RSPO3: variants seen among roughly 807,000 people sequenced by gnomAD.
The protein encoded by RSPO3 is R-spondin-3.
Under a neutral mutation model 36.5 loss-of-function variants are expected in RSPO3, and 17 were observed. The observed-to-expected ratio is 0.47, with a 90% CI of 0.32 to 0.70. The LOEUF (loss-of-function observed/expected upper bound fraction) is 0.70, where lower values mean the gene tolerates loss of function less well. RSPO3 is among the 30% of genes least tolerant of loss of function. RSPO3 has a pLI of 0.04. For missense variants in RSPO3, 294 were observed against 322.5 expected (o/e 0.91, Z 0.68); for synonymous variants, 108 against 107.0 (o/e 1.01, Z -0.06).
intron 4 of RSPO3, among the ~76,000 whole-genome samples, chr6:127,168,952 G>A (rs373810164): frequency 6.6e-6 from 1 of 152,060 alleles, no homozygotes; most frequent in East Asian, 1.9e-4. Context: ...TGTTCCATTG[G>A]TCTATATCTC....
intron 4 of RSPO3, among the ~76,000 whole-genome samples, chr6:127,176,447 A>AT (rs76109592): frequency 2.5e-4 from 38 of 150,900 alleles, no homozygotes; most frequent in Admixed American, 1.9e-3. Context: ...TTATTTATTT[A>AT]TTTTTTTTTA....
intron 1 of RSPO3, among the ~76,000 whole-genome samples, chr6:127,139,995 T>C (rs537971977): frequency 2.6e-5 from 4 of 152,170 alleles, no homozygotes; most frequent in Admixed American, 2.6e-4. Context: ...ACAGTTTCAA[T>C]AGCAGCATCA....
intron 2 of RSPO3, among the ~76,000 whole-genome samples, chr6:127,149,511 T>G (rs1774449159): frequency 6.6e-6 from 1 of 152,068 alleles, no homozygotes; most frequent in Non-Finnish European, 1.5e-5. Context: ...TGTCCACATC[T>G]TTGCATAGCT....
At chr6:127,119,557 C>T (rs1773795541) in intron 1 of RSPO3, among the ~76,000 whole-genome samples, 1 of 152,216 alleles carries the variant, frequency 6.6e-6, no homozygotes, top group Non-Finnish European at 1.5e-5. Context: ...TTCAGGTTCG[C>T]GGGAAAGTTC....
intron 4 of RSPO3, among the ~76,000 whole-genome samples, chr6:127,185,490 T>C (rs1353152477): frequency 2.0e-5 from 3 of 152,090 alleles, no homozygotes; most frequent in African/African-American, 7.2e-5. Context: ...AGTGAAACCA[T>C]TTAAGAACGT....
chr6:127,119,118 A>T lies in RSPO3; in HGVS notation c.-75A>T. 2 of 1,192,090 alleles carry T rather than the reference A, an allele frequency of 1.7e-6. No individual in the cohort carries two copies. Among genetic ancestry groups the T allele is most frequent in the East Asian group, 2.4e-5 (1 of 41,948 alleles). 73.8% of individuals were successfully genotyped at this position (1,192,090 alleles called of 1,614,324 possible). A position where few individuals can be genotyped will look rare whatever the true frequency, so the allele number is the denominator to read the frequency against. On this transcript the variant is annotated 5_prime_UTR_variant, in exon 1 of 5. Coordinates refer to ENST00000356698, the MANE Select transcript of RSPO3 (RefSeq NM_032784.5). ...GTCTATATACGCCTAACACCTACAT[A>T]TATTTTAAAAACATTAAATATAATT...
At chr6:127,176,354 G>A (rs1159776953) in intron 4 of RSPO3, among the ~76,000 whole-genome samples, 2 of 151,750 alleles carry the variant, frequency 1.3e-5, no homozygotes, top group Non-Finnish European at 2.9e-5. Context: ...TTAAAGCAAT[G>A]ACTAAGCAGA....
At chr6:127,125,454 A>G (rs1773921308) in intron 1 of RSPO3, among the ~76,000 whole-genome samples, 1 of 152,148 alleles carries the variant, frequency 6.6e-6, no homozygotes, top group African/African-American at 2.4e-5. Context: ...CTTTTACTAT[A>G]CCAAGCTAAA....
At chr6:127,180,493 A>C (rs866224796) in intron 4 of RSPO3, among the ~76,000 whole-genome samples, 90 of 141,316 alleles carry the variant, frequency 6.4e-4, no homozygotes, top group South Asian at 1.5e-3. Flanking sequence ...AAAACAAAAA[A>C]AAAAAAAAAA....
intron 1 of RSPO3, among the ~76,000 whole-genome samples, chr6:127,122,834 A>G (rs894054712): frequency 1.3e-5 from 2 of 152,186 alleles, no homozygotes; most frequent in African/African-American, 4.8e-5. Context: ...TCATTTGATT[A>G]TCTAGGAGAT....
In RSPO3 at chr6:127,199,395, T is replaced by C. The variant is rs1775577873; in HGVS notation, c.*3388T>C. Among the ~76,000 whole-genome samples, 1 of 152,224 alleles carries C rather than the reference T, an allele frequency of 6.6e-6. No individual in the cohort carries two copies. Among genetic ancestry groups the C allele is most frequent in the Non-Finnish European group, 1.5e-5 (1 of 68,024 alleles). On this transcript the variant is annotated 3_prime_UTR_variant, in exon 5 of 5. Transcript: ENST00000356698. ...ATATGTGATAGTATTCATAAAAATG[T>C]ACATGCATGATAATTTCAAGGAATA...
chr6:127,193,240 G>A (rs1775448473), intron 4 of RSPO3, among the ~76,000 whole-genome samples: 1 of 152,168 alleles, frequency 6.6e-6, no homozygotes, highest in Non-Finnish European at 1.5e-5. Flanking sequence ...TTCCAAAAAT[G>A]TTTAGGCCTG....
intron 1 of RSPO3, among the ~76,000 whole-genome samples, chr6:127,120,320 C>G (rs534840119): frequency 3.3e-4 from 51 of 152,264 alleles, no homozygotes; most frequent in Non-Finnish European, 6.0e-4. Flanking sequence ...CATGGGGAGT[C>G]CTTTCGCAGA....
chr6:127,154,760 G>A (rs1314581841), intron 3 of RSPO3, among the ~76,000 whole-genome samples: 1 of 152,096 alleles, frequency 6.6e-6, no homozygotes, highest in Non-Finnish European at 1.5e-5. Flanking sequence ...CCAGATAACT[G>A]AATCAGAAAC....
chr6:127,137,770 T>A (rs1436561588), intron 1 of RSPO3, among the ~76,000 whole-genome samples: 2 of 152,212 alleles, frequency 1.3e-5, no homozygotes, highest in East Asian at 3.8e-4. Flanking sequence ...TTCCTATCTG[T>A]TCTCTGTAGT....
At position 127,148,653 on chromosome 6, in the gene RSPO3, C is replaced by A. The variant is rs373793701; in HGVS notation, c.103C>A (p.Pro35Thr). ...TTCTACATTTGTCTCCACAGTGCAT[C>A]CTAACGTTAGTCAAGGCTGCCAAGG... ...SRGRRQRRMH[P>T]NVSQGCQGGC... Residue 35 changes from proline to threonine, a missense_variant, in exon 2 of 5, where the codon CCT (proline) becomes ACT (threonine). This residue lies in a region of RSPO3 where 61 missense variants were observed against 51.3 expected (regional missense o/e 1.19). Transcript: ENST00000356698. 1.0e-4 allele frequency: 165 copies of A among 1,611,428 alleles called. No individual in the cohort carries two copies. Among genetic ancestry groups the A allele is most frequent in the Non-Finnish European group, 1.3e-4 (156 of 1,178,436 alleles).
At chr6:127,180,612 T>G (rs536592939) in intron 4 of RSPO3, among the ~76,000 whole-genome samples, 147 of 149,904 alleles carry the variant, frequency 9.8e-4, no homozygotes, top group African/African-American at 3.1e-3. Context: ...TTGAGAGATA[T>G]GCAAGAAGTA....
intron 4 of RSPO3, among the ~76,000 whole-genome samples, chr6:127,169,373 G>A (rs1353804582): frequency 1.3e-5 from 2 of 151,816 alleles, no homozygotes; most frequent in East Asian, 3.9e-4. Context: ...GCCAGACATA[G>A]TGCTAGGCAC....
At position 127,144,643 on chromosome 6, in the gene RSPO3, G is replaced by GTTTTTTTTTTTTTTTTT. The variant is rs56388820; in HGVS notation, c.98-3992_98-3991insTTTTTTTTTTTTTTTTT. 6.0e-3 allele frequency among the ~76,000 whole-genome samples: 591 copies of GTTTTTTTTTTTTTTTTT among 99,028 alleles called. 122 individuals are homozygous for GTTTTTTTTTTTTTTTTT. The highest frequency in any genetic ancestry group is 0.016 in the African/African-American group (377 of 24,062). 65.0% of individuals were successfully genotyped at this position (99,028 alleles called of 152,430 possible). A position where few individuals can be genotyped will look rare whatever the true frequency, so the allele number is the denominator to read the frequency against. ...TGTAATTTTTCAGTAGCTTCCCCTT[G>GTTTTTTTTTTTTTTTTT]TTTTTTTTTTTTTCAGACAGAGTCT... is the stretch of plus-strand genomic sequence containing the variant. On this transcript the variant is annotated intron_variant, in intron 1 of 4. Transcript: ENST00000356698.
Sources: gnomAD v4.1 joint callset for allele counts (sites outside exome capture counted in the v4.1 genomes callset) on GRCh38, gnomAD v4.1.1 for gene constraint, gnomAD v4.1.1 regional missense constraint, MANE v1.5 for transcripts, NCBI Gene and HGNC (gene_info 2026-07-23, HGNC 2026-07-21) for gene names.